The following EPHA5 variants were observed in gnomAD, a reference collection of about 807,000 sequenced individuals.
EPHA5 encodes the protein ephrin type-A receptor 5.
In EPHA5, 60 loss-of-function variants were observed where a neutral mutation model predicts 105.0. The observed-to-expected ratio is 0.57, with a 90% CI of 0.46 to 0.71. EPHA5 has a LOEUF of 0.71. Among genes scored for constraint, EPHA5 ranks in the 30% least tolerant of loss-of-function variants. EPHA5 has a pLI of 0.00. For synonymous variants in EPHA5, 513 were observed against 449.1 expected (o/e 1.14, Z -1.80); for missense variants, 1,218 against 1,274.7 (o/e 0.96, Z 0.68).
intron 8 of EPHA5, among the ~76,000 whole-genome samples, chr4:65,398,032 C>A (rs754438239): frequency 1.2e-4 from 18 of 152,246 alleles, no homozygotes; most frequent in Non-Finnish European, 2.4e-4. Context: ...CCTCACCACC[C>A]CCCTTCCAAG....
intron 5 of EPHA5, among the ~76,000 whole-genome samples, chr4:65,462,249 T>G (rs1345823724): frequency 6.6e-6 from 1 of 152,182 alleles, no homozygotes; most frequent in African/African-American, 2.4e-5. Flanking sequence ...TCTTAGATTA[T>G]TTATATATTG....
chr4:65,476,053 AT>A (rs928142342), intron 5 of EPHA5, among the ~76,000 whole-genome samples: 3 of 149,522 alleles, frequency 2.0e-5, no homozygotes, highest in South Asian at 2.1e-4. Context: ...TACAAATGTA[AT>A]TTTTTTTCAG....
At chr4:65,467,025 A>G (rs1728785334) in intron 5 of EPHA5, among the ~76,000 whole-genome samples, 1 of 152,180 alleles carries the variant, frequency 6.6e-6, no homozygotes, top group African/African-American at 2.4e-5. Flanking sequence ...CCCCTTAATT[A>G]CCATTGGGAC....
chr4:65,530,852 A>G (rs1382009134), intron 3 of EPHA5, among the ~76,000 whole-genome samples: 2 of 152,128 alleles, frequency 1.3e-5, no homozygotes, highest in Non-Finnish European at 2.9e-5. Context: ...TGGATGTAAC[A>G]GTGTGTCCAA....
At chr4:65,342,840 C>T (rs1277048619) in intron 14 of EPHA5, among the ~76,000 whole-genome samples, 1 of 151,646 alleles carries the variant, frequency 6.6e-6, no homozygotes, top group Non-Finnish European at 1.5e-5. Context: ...AGAGGCACAC[C>T]CAGTACAAAG....
intron 5 of EPHA5, among the ~76,000 whole-genome samples, chr4:65,488,980 G>A (rs932261019): frequency 6.8e-6 from 1 of 146,568 alleles, no homozygotes; most frequent in Non-Finnish European, 1.5e-5. Flanking sequence ...CCTCCTCCTG[G>A]GTTCACACCA....
chr4:65,599,114 T>C (rs530002235), intron 3 of EPHA5, among the ~76,000 whole-genome samples: 24 of 152,146 alleles, frequency 1.6e-4, no homozygotes, highest in Non-Finnish European at 2.8e-4. Context: ...TACCTCTATA[T>C]TGAAGGAAGA....
intron 3 of EPHA5, among the ~76,000 whole-genome samples, chr4:65,531,329 G>T (rs558649335): frequency 4.6e-5 from 7 of 152,238 alleles, no homozygotes; most frequent in Non-Finnish European, 7.4e-5. Context: ...GAGCCACCGC[G>T]CCCGGCCTTT....
intron 3 of EPHA5, among the ~76,000 whole-genome samples, chr4:65,512,249 A>C (rs1560628097): frequency 6.6e-6 from 1 of 152,202 alleles, no homozygotes; most frequent in Non-Finnish European, 1.5e-5. Context: ...CTATTATTAA[A>C]AATATTTAAT....
At chr4:65,468,420 A>G (rs1728926370) in intron 5 of EPHA5, among the ~76,000 whole-genome samples, 2 of 150,036 alleles carry the variant, frequency 1.3e-5, no homozygotes, top group Non-Finnish European at 3.0e-5. Context: ...GATGAGAAAT[A>G]TAAAATAATT....
chr4:65,610,503 C>A (rs1378318359), intron 2 of EPHA5, among the ~76,000 whole-genome samples: 3 of 151,654 alleles, frequency 2.0e-5, no homozygotes, highest in Admixed American at 2.0e-4. Flanking sequence ...TGCACATGTG[C>A]CCCGAGAACC....
chr4:65,408,530 G>A (rs1722591576), intron 7 of EPHA5, among the ~76,000 whole-genome samples: 1 of 149,222 alleles, frequency 6.7e-6, no homozygotes, highest in South Asian at 2.2e-4. Flanking sequence ...GTGGGCGAAG[G>A]ACATGAACAG....
chr4:65,374,107 T>C (rs1441343983), intron 8 of EPHA5, among the ~76,000 whole-genome samples: 1 of 151,916 alleles, frequency 6.6e-6, no homozygotes, highest in Non-Finnish European at 1.5e-5. Flanking sequence ...ATAGATTGTC[T>C]TTTTGAGAAG....
chr4:65,464,798 TATTAG>T (rs763926738), intron 5 of EPHA5, among the ~76,000 whole-genome samples: 12 of 152,258 alleles, frequency 7.9e-5, no homozygotes, highest in East Asian at 5.8e-4. Flanking sequence ...CGAATTTGGC[TATTAG>T]ATTAGATACT....
intron 15 of EPHA5, among the ~76,000 whole-genome samples, chr4:65,333,539 C>CTGTG (rs56925203): frequency 4.0e-4 from 45 of 111,878 alleles, no homozygotes; most frequent in African/African-American, 1.7e-3. Context: ...GAGTGTGTGT[C>CTGTG]TGTGTGTGTG....
chr4:65,621,462 T>C (rs763562825), intron 2 of EPHA5, among the ~76,000 whole-genome samples: 162 of 152,258 alleles, frequency 1.1e-3, no homozygotes, highest in South Asian at 2.3e-3. Flanking sequence ...TAATAATTTT[T>C]ATGAATTAAT....
intron 5 of EPHA5, among the ~76,000 whole-genome samples, chr4:65,421,766 C>T (rs1035789592): frequency 1.3e-5 from 2 of 151,992 alleles, no homozygotes; most frequent in African/African-American, 4.8e-5. Context: ...TAGTTCACTG[C>T]TACATTTCTA....
At chr4:65,552,381 C>T (rs547123622) in intron 3 of EPHA5, among the ~76,000 whole-genome samples, 1 of 152,198 alleles carries the variant, frequency 6.6e-6, no homozygotes, top group Non-Finnish European at 1.5e-5. Flanking sequence ...GCTTTAAATG[C>T]CACTTTCATC....
At chr4:65,448,473 C>T (rs762281733) in intron 5 of EPHA5, among the ~76,000 whole-genome samples, 11 of 152,044 alleles carry the variant, frequency 7.2e-5, no homozygotes, top group Non-Finnish European at 1.3e-4. Context: ...TATGGCGAAA[C>T]CCCGTCTCTA....
Sources: allele counts gnomAD v4.1 joint callset (sites outside exome capture counted in the v4.1 genomes callset), GRCh38; gene constraint gnomAD v4.1.1; transcripts MANE v1.5; gene names NCBI Gene and HGNC (gene_info 2026-07-23, HGNC 2026-07-21).